Variants in SGPP2 observed in about 807,000 individuals in gnomAD.
The protein encoded by SGPP2 is sphingosine 1-phosphate phosphohydrolase 2.
SGPP2 carries 30 observed loss-of-function variants against 33.9 expected under a neutral mutation model. The observed-to-expected ratio is 0.89, with a 90% CI of 0.66 to 1.20. The LOEUF (loss-of-function observed/expected upper bound fraction) is 1.20, where lower values mean the gene tolerates loss of function less well. Among genes scored for constraint, SGPP2 ranks in the 50% most tolerant of loss-of-function variants. The pLI is 0.00. For synonymous variants in SGPP2, 233 were observed against 225.0 expected (o/e 1.04, Z -0.32); for missense variants, 458 against 532.1 (o/e 0.86, Z 1.37).
chr2:222,456,095 A>G (rs564051200), intron 1 of SGPP2, among the ~76,000 whole-genome samples: 1 of 152,278 alleles, frequency 6.6e-6, no homozygotes, highest in Non-Finnish European at 1.5e-5. Flanking sequence ...AAATAAATAA[A>G]TGTACAACTC....
At position 222,521,936 on chromosome 2, in the gene SGPP2, A is replaced by C; in HGVS notation, c.548A>C (p.Asp183Ala). 6 of 1,540,302 alleles carry C rather than the reference A, an allele frequency of 3.9e-6. No homozygotes were observed. Among genetic ancestry groups the C allele is most frequent in the Non-Finnish European group, 5.2e-6 (6 of 1,144,048 alleles). ...IAFTLLISTM[D>A]RYQYPFVLGL... ...TTCACCCTCCTTATCTCTACTATGGACAGATACCAGGTAAGGTGGCCTGGT... is the reference window on the plus strand; with the variant it reads ...TTCACCCTCCTTATCTCTACTATGGCCAGATACCAGGTAAGGTGGCCTGGT... Residue 183 changes from aspartate (D) to alanine (A), a missense_variant, in exon 3 of 5, where the codon GAC (aspartate) becomes GCC (alanine). Asp to Ala is a moderately radical substitution (Grantham distance 126). Coordinates refer to ENST00000321276, the MANE Select transcript of SGPP2 (RefSeq NM_152386.4).
chr2:222,532,636 G>A (rs970468577), intron 4 of SGPP2, among the ~76,000 whole-genome samples: 93 of 152,202 alleles, frequency 6.1e-4, no homozygotes, highest in Admixed American at 1.6e-3. Flanking sequence ...CCATCAGTCA[G>A]GTAGTCACCA....
chr2:222,533,252 G>A (rs189213830), intron 4 of SGPP2, among the ~76,000 whole-genome samples: 8 of 152,306 alleles, frequency 5.3e-5, no homozygotes, highest in Non-Finnish European at 7.4e-5. Flanking sequence ...GCTCTGAGGA[G>A]TGTCATCACC....
Position 222,559,089 on chromosome 2 carries a change from G to A in SGPP2, c.*191G>A, listed in dbSNP as rs1689476600. The A allele has an allele frequency of 5.4e-6, 3 of 557,290 alleles. No individual in the cohort carries two copies. The highest frequency in any genetic ancestry group is 6.2e-5 in the Admixed American group (2 of 32,180). The allele number at this position is 557,290 out of a possible 1,614,324, so 34.5% of individuals were successfully genotyped here. Reference sequence around the variant, plus strand: ...GTCTCATAGCGGTCATTGGTCGTCCGTGGTGGTTGGTTGTGCTACAGTTGA... The same window carrying A: ...GTCTCATAGCGGTCATTGGTCGTCCATGGTGGTTGGTTGTGCTACAGTTGA... On this transcript the variant is annotated 3_prime_UTR_variant, in exon 5 of 5. Transcript: ENST00000321276.
intron 1 of SGPP2, among the ~76,000 whole-genome samples, chr2:222,469,890 T>A (rs1697812148): frequency 6.6e-6 from 1 of 152,046 alleles, no homozygotes; most frequent in Non-Finnish European, 1.5e-5. Flanking sequence ...ATAGACTGGA[T>A]AAAGAAAATG....
chr2:222,443,437 C>T (rs1376519280), intron 1 of SGPP2, among the ~76,000 whole-genome samples: 3 of 152,070 alleles, frequency 2.0e-5, no homozygotes, highest in Non-Finnish European at 4.4e-5. Context: ...TCTGTTTGTA[C>T]CCAATGTTTA....
intron 4 of SGPP2, among the ~76,000 whole-genome samples, chr2:222,546,784 A>G (rs140385356): frequency 8.6e-5 from 13 of 151,836 alleles, no homozygotes; most frequent in African/African-American, 3.1e-4. Context: ...CGACAAAAGC[A>G]CTAATATAAT....
rs1697964578 is a variant in SGPP2, at chr2:222,477,515, A to G, written c.378+2789A>G. Among the ~76,000 whole-genome samples the G allele has an allele frequency of 6.6e-6, 1 of 151,794 alleles. No homozygotes were observed. Among genetic ancestry groups the G allele is most frequent in the African/African-American group, 2.4e-5 (1 of 41,256 alleles). On this transcript the variant is annotated intron_variant, in intron 2 of 4. Coordinates refer to ENST00000321276, the MANE Select transcript of SGPP2 (RefSeq NM_152386.4). The surrounding 1 kb of genome is among the most constrained non-coding windows in gnomAD (Gnocchi z 6.0). ...TGTATATATGTTTATGTGTATATAT[A>G]TGTCTGTGTATATATGTGTATTTGT... is the stretch of plus-strand genomic sequence containing the variant.
At chr2:222,503,238 C>T (rs191909599) in intron 2 of SGPP2, among the ~76,000 whole-genome samples, 11 of 152,126 alleles carry the variant, frequency 7.2e-5, no homozygotes, top group East Asian at 1.9e-4. Flanking sequence ...TTGCTAAGGA[C>T]GAGGGATGAT....
chr2:222,549,572 G>A (rs1396453088), intron 4 of SGPP2, among the ~76,000 whole-genome samples: 1 of 152,184 alleles, frequency 6.6e-6, no homozygotes, highest in African/African-American at 2.4e-5. Flanking sequence ...ACACACTGGA[G>A]CTTGTCTGCC....
chr2:222,469,952 A>G (rs1697813444), intron 1 of SGPP2, among the ~76,000 whole-genome samples: 2 of 152,390 alleles, frequency 1.3e-5, no homozygotes, highest in East Asian at 1.9e-4. Context: ...GAATGAGTTC[A>G]TGTCCTTTGC....
chr2:222,477,121 GTA>G lies in SGPP2; in HGVS notation c.378+2397_378+2398del, dbSNP rs1270896187. Among the ~76,000 whole-genome samples, 2 of 151,556 alleles carry G rather than the reference GTA, an allele frequency of 1.3e-5. No individual in the cohort carries two copies. The highest frequency in any genetic ancestry group is 2.4e-5 in the African/African-American group (1 of 41,274). ...TATGTATATAGGTGTGTATATATGT[GTA>G]TGTGTGTGTATATAGGTGTGTATAT... On this transcript the variant is annotated intron_variant, in intron 2 of 4. Coordinates refer to ENST00000321276, the MANE Select transcript of SGPP2 (RefSeq NM_152386.4). This position sits in a 1 kb window ranked among gnomAD's most constrained non-coding sequence, Gnocchi z 6.0.
At chr2:222,473,728 G>A (rs529885428) in intron 1 of SGPP2, among the ~76,000 whole-genome samples, 65 of 152,028 alleles carry the variant, frequency 4.3e-4, no homozygotes, top group Admixed American at 1.3e-3. Context: ...AGTTTGAGAC[G>A]AGCCTGACCA....
intron 1 of SGPP2, among the ~76,000 whole-genome samples, chr2:222,438,371 A>G (rs1171503251): frequency 6.6e-6 from 1 of 152,174 alleles, no homozygotes; most frequent in African/African-American, 2.4e-5. Context: ...GCATAATGTC[A>G]TCCATGTAAT....
chr2:222,531,152 G>T (rs1039610991), intron 4 of SGPP2, among the ~76,000 whole-genome samples: 3 of 152,226 alleles, frequency 2.0e-5, no homozygotes, highest in African/African-American at 7.2e-5. Context: ...ATAGGGAGGT[G>T]AGAAGAAAGC....
At chr2:222,535,002 G>A (rs1322588602) in intron 4 of SGPP2, among the ~76,000 whole-genome samples, 1 of 152,136 alleles carries the variant, frequency 6.6e-6, no homozygotes, top group Non-Finnish European at 1.5e-5. Flanking sequence ...ACTTTCATAT[G>A]TATTACTAAC....
Position 222,424,598 on chromosome 2 carries a change from A to C in SGPP2, c.-5A>C. The C allele has an allele frequency of 6.2e-6, 8 of 1,280,620 alleles. No individual in the cohort carries two copies. The highest frequency in any genetic ancestry group is 7.9e-6 in the Non-Finnish European group (8 of 1,009,244). The allele number at this position is 1,280,620 out of a possible 1,614,324, so 79.3% of individuals were successfully genotyped here. On this transcript the variant is annotated 5_prime_UTR_variant, in exon 1 of 5. Transcript: ENST00000321276. ...GCGGCGGCGGAGCGCGGCCCCGGGC[A>C]CACCATGGCCGAGCTGCTGCGGAGC...
chr2:222,542,677 G>C (rs1434927580), intron 4 of SGPP2, among the ~76,000 whole-genome samples: 2 of 151,942 alleles, frequency 1.3e-5, no homozygotes, highest in African/African-American at 2.4e-5. Context: ...ATGTTCATTG[G>C]CCATTTAGAT....
At chr2:222,528,304 G>T (rs909080095) in intron 4 of SGPP2, among the ~76,000 whole-genome samples, 1 of 152,046 alleles carries the variant, frequency 6.6e-6, no homozygotes, top group African/African-American at 2.4e-5. Context: ...AGCGGGTTCA[G>T]TTCCAAACCA....
Sources: allele counts gnomAD v4.1 joint callset (sites outside exome capture counted in the v4.1 genomes callset), GRCh38; gene constraint gnomAD v4.1.1; non-coding constraint Gnocchi (gnomAD v3.1); transcripts MANE v1.5; gene names NCBI Gene and HGNC (gene_info 2026-07-23, HGNC 2026-07-21).